PDE4D: variants seen among roughly 807,000 people sequenced by gnomAD.
The protein encoded by PDE4D is phosphodiesterase 4D.
In PDE4D, 24 loss-of-function variants were observed where a neutral mutation model predicts 87.4. The ratio of observed to expected loss-of-function variants is 0.27; its 90% confidence interval spans 0.20 to 0.39. The LOEUF (loss-of-function observed/expected upper bound fraction) is 0.39, where lower values mean the gene tolerates loss of function less well. Ranked by LOEUF, PDE4D falls within the 10% of genes least tolerant of loss-of-function variation. The pLI, the probability that PDE4D is intolerant of heterozygous loss-of-function variation, is 1.00. For synonymous variants in PDE4D, 384 were observed against 383.2 expected (o/e 1.00, Z -0.02); for missense variants, 714 against 1,041.0 (o/e 0.69, Z 4.32).
At chr5:59,450,344 A>G (rs1022431695) in intron 1 of PDE4D, among the ~76,000 whole-genome samples, 3 of 152,188 alleles carry the variant, frequency 2.0e-5, no homozygotes, top group African/African-American at 7.2e-5. Flanking sequence ...GTTTCAATTC[A>G]TAACAATAAG....
Position 59,216,395 on chromosome 5 carries a change from A to G in PDE4D, c.456-427T>C, listed in dbSNP as rs939473302. Among the ~76,000 whole-genome samples the G allele has an allele frequency of 5.9e-5, 9 of 152,220 alleles. No individual in the cohort carries two copies. In the East Asian group the frequency reaches 1.2e-3, roughly 20 times the overall value. On this transcript the variant is annotated intron_variant, in intron 1 of 14. Transcript: ENST00000340635. The stretch of plus-strand genomic sequence containing the variant: ...TTCTCCCTCCACACTCCTACCCTAT[A>G]ACATCCATCCAAGCATTAATTTCTA...
At chr5:60,465,627 T>C (rs1470306363) in intron 1 of PDE4D, among the ~76,000 whole-genome samples, 1 of 152,212 alleles carries the variant, frequency 6.6e-6, no homozygotes, top group Non-Finnish European at 1.5e-5. Flanking sequence ...TATCAATATC[T>C]GATATTATAA....
intron 1 of PDE4D, among the ~76,000 whole-genome samples, chr5:59,512,528 G>A (rs373805393): frequency 6.6e-6 from 1 of 152,072 alleles, no homozygotes; most frequent in East Asian, 1.9e-4. Flanking sequence ...TTGGGGTAAA[G>A]GTGTTCAAAT....
At chr5:59,808,582 TTGTG>T (rs147077089) in intron 1 of PDE4D, among the ~76,000 whole-genome samples, 2 of 150,258 alleles carry the variant, frequency 1.3e-5, no homozygotes, top group Non-Finnish European at 1.5e-5. Context: ...TCTATGACGT[TTGTG>T]TGTGTGTGTG....
chr5:60,030,399 G>A (rs1412027780), intron 2 of PDE4D, among the ~76,000 whole-genome samples: 1 of 152,318 alleles, frequency 6.6e-6, no homozygotes, highest in Non-Finnish European at 1.5e-5. Context: ...GCAGTGAGCC[G>A]AGATTGCGCC....
chr5:59,413,720 G>T (rs34797165), intron 1 of PDE4D, among the ~76,000 whole-genome samples: 25,544 of 152,000 alleles, frequency 0.17, 2,874 homozygotes, highest in African/African-American at 0.31. Context: ...TGTAAACACT[G>T]TGAATTTTTT....
At chr5:59,896,901 T>C (rs761805587), upstream of PDE4D, among the ~76,000 whole-genome samples, 1 of 152,240 alleles carries the variant, frequency 6.6e-6, no homozygotes, top group African/African-American at 2.4e-5. Flanking sequence ...CTACTTTTAA[T>C]TAAAACAACA....
intron 5 of PDE4D, among the ~76,000 whole-genome samples, chr5:59,173,032 C>A (rs904169430): frequency 3.3e-5 from 5 of 152,116 alleles, no homozygotes; most frequent in African/African-American, 7.2e-5. Flanking sequence ...AATTTAAGTA[C>A]ATTGACCAAA....
intron 5 of PDE4D, among the ~76,000 whole-genome samples, chr5:59,054,937 G>T (rs547541441): frequency 1.3e-5 from 2 of 151,924 alleles, no homozygotes; most frequent in Non-Finnish European, 2.9e-5. Flanking sequence ...TCTACTTCAC[G>T]TGAGAGTAGA....
In PDE4D at chr5:58,974,563, C is replaced by A; in HGVS notation, c.*101G>T. 9.0e-7 allele frequency: 1 copy of A among 1,115,298 alleles called. No homozygotes were observed. Among genetic ancestry groups the A allele is most frequent in the Non-Finnish European group, 1.3e-6 (1 of 784,480 alleles). The allele number at this position is 1,115,298 out of a possible 1,614,324, so 69.1% of individuals were successfully genotyped here. ...CAGTTTTGTTCAACAAACGTCCTGG[C>A]AGATGACAGTGAGGTGTGACCGTGG... On this transcript the variant is annotated 3_prime_UTR_variant, in exon 15 of 15. Coordinates refer to ENST00000340635, the MANE Select transcript of PDE4D (RefSeq NM_001104631.2).
intron 6 of PDE4D, among the ~76,000 whole-genome samples, chr5:59,030,435 A>C (rs1361894412): frequency 1.3e-5 from 2 of 150,652 alleles, no homozygotes; most frequent in Non-Finnish European, 3.0e-5. Flanking sequence ...AAAAAAAAAA[A>C]AAAAAAAAAA....
intron 6 of PDE4D, among the ~76,000 whole-genome samples, chr5:59,033,517 A>C (rs147597839): frequency 2.4e-4 from 37 of 152,324 alleles, no homozygotes; most frequent in Admixed American, 5.9e-4. Context: ...CAAACCCTAC[A>C]TATTTTGTGA....
rs1462059452 is a variant in PDE4D, at chr5:59,228,436, CAACA to C, written c.456-12472_456-12469del. ...ATAAAAGTTAAAATATTAACAACAA[CAACA>C]AAAAAAAAAAACAAGCAAGCAAAGA... On this transcript the variant is annotated intron_variant, in intron 1 of 14. Coordinates refer to ENST00000340635, the MANE Select transcript of PDE4D (RefSeq NM_001104631.2). 7.3e-4 allele frequency among the ~76,000 whole-genome samples: 79 copies of C among 107,586 alleles called. No individual in the cohort carries two copies. The East Asian group carries it at 0.017, about 23-fold the overall frequency. 70.6% of individuals were successfully genotyped at this position (107,586 alleles called of 152,430 possible). A position where few individuals can be genotyped will look rare whatever the true frequency, so the allele number is the denominator to read the frequency against.
At chr5:59,045,112 G>A (rs1216847086) in intron 5 of PDE4D, among the ~76,000 whole-genome samples, 1 of 152,206 alleles carries the variant, frequency 6.6e-6, no homozygotes, top group Non-Finnish European at 1.5e-5. Flanking sequence ...AAGCATGTGG[G>A]CTATGGGACA....
intron 1 of PDE4D, among the ~76,000 whole-genome samples, chr5:59,503,818 A>G (rs1292217583): frequency 1.3e-5 from 2 of 152,210 alleles, no homozygotes; most frequent in Non-Finnish European, 2.9e-5. Context: ...TCTCCAGAAC[A>G]GTTAAAATGC....
intron 1 of PDE4D, among the ~76,000 whole-genome samples, chr5:59,514,689 C>T (rs917057644): frequency 2.0e-5 from 3 of 152,136 alleles, no homozygotes; most frequent in Non-Finnish European, 2.9e-5. Flanking sequence ...CAAAAACCAA[C>T]GAATTTTATC....
At chr5:59,206,494 A>G (rs1415095152) in intron 2 of PDE4D, among the ~76,000 whole-genome samples, 1 of 152,234 alleles carries the variant, frequency 6.6e-6, no homozygotes, top group Non-Finnish European at 1.5e-5. Flanking sequence ...AGAACAATTC[A>G]TTAAGAAGCT....
At chr5:59,776,614 C>T (rs1764104664) in intron 1 of PDE4D, among the ~76,000 whole-genome samples, 1 of 152,180 alleles carries the variant, frequency 6.6e-6, no homozygotes, top group Non-Finnish European at 1.5e-5. Context: ...TGAGTCACAG[C>T]TTGGGAGATG....
chr5:60,127,353 A>G lies in PDE4D; in HGVS notation c.42+58204T>C, dbSNP rs537425781. ...TTAAGGCAAGGGTGTGTGGTGAGTGATAAGGTTGGACTTCTGTTTCAAACA... is the reference window on the plus strand; with the variant it reads ...TTAAGGCAAGGGTGTGTGGTGAGTGGTAAGGTTGGACTTCTGTTTCAAACA... On this transcript the variant is annotated intron_variant, in intron 2 of 16. Coordinates refer to the PDE4D transcript ENST00000502484. Among the ~76,000 whole-genome samples the G allele has an allele frequency of 2.0e-5, 3 of 152,304 alleles. No individual in the cohort carries two copies. In the East Asian group the frequency reaches 5.8e-4, roughly 29 times the overall value.
Sources: gnomAD v4.1 joint callset for allele counts (sites outside exome capture counted in the v4.1 genomes callset) on GRCh38, gnomAD v4.1.1 for gene constraint, MANE v1.5 for transcripts, NCBI Gene and HGNC (gene_info 2026-07-23, HGNC 2026-07-21) for gene names.